ZNF532: variants seen among roughly 807,000 people sequenced by gnomAD.
ZNF532 encodes zinc finger protein 532.
Under a neutral mutation model 89.3 loss-of-function variants are expected in ZNF532, and 22 were observed. The observed-to-expected ratio is 0.25, with a 90% CI of 0.18 to 0.35. ZNF532 has a LOEUF of 0.35. Among genes scored for constraint, ZNF532 ranks in the 10% least tolerant of loss-of-function variants. The pLI, the probability that ZNF532 is intolerant of heterozygous loss-of-function variation, is 1.00. For missense variants in ZNF532, 1,132 were observed against 1,643.4 expected (o/e 0.69, Z 5.38); for synonymous variants, 606 against 649.6 (o/e 0.93, Z 1.02).
upstream of ZNF532, chr18:58,864,213 C>CG (rs549187976): frequency 5.8e-3 from 891 of 152,762 alleles, 9 homozygotes; most frequent in African/African-American, 0.02. Flanking sequence ...ACTTCTCCCC[C>CG]CAGGTGCTTG....
rs76818693 is a variant in ZNF532 at position 58,937,891 on chromosome 18, C to T, written c.2529-1554C>T. Among the ~76,000 whole-genome samples the T allele has an allele frequency of 5.0e-3, 758 of 152,278 alleles. 7 individuals are homozygous for T. The highest frequency in any genetic ancestry group is 0.017 in the African/African-American group (688 of 41,546). ...TTAGGTGGCTCTATTGCCTGAAATA[C>T]CAGTTCAAGTAGATAGGCTAGAGAG... On this transcript the variant is annotated intron_variant, in intron 4 of 9. Coordinates refer to ENST00000591808, the MANE Select transcript of ZNF532 (RefSeq NM_001375912.1).
chr18:58,907,109 T>G (rs1382792859), intron 2 of ZNF532, among the ~76,000 whole-genome samples: 1 of 152,128 alleles, frequency 6.6e-6, no homozygotes, highest in Non-Finnish European at 1.5e-5. Flanking sequence ...GACAGCCTCA[T>G]GTTTTGCAGG....
rs1409722778 is a variant in ZNF532, at chr18:58,984,779, A to AAAAC, written c.*315_*318dup. On this transcript the variant is annotated 3_prime_UTR_variant, in exon 10 of 10. Coordinates refer to ENST00000591808, the MANE Select transcript of ZNF532 (RefSeq NM_001375912.1). ...ATTTTTCTTTTTGTACTGTTTCTTT[A>AAAAC]AAACAGAGTTCTTAGTAACAGGGGC... 1 of 197,200 alleles carries AAAAC rather than the reference A, an allele frequency of 5.1e-6. No individual in the cohort carries two copies. Among genetic ancestry groups the AAAAC allele is most frequent in the Non-Finnish European group, 1.0e-5 (1 of 95,394 alleles). The allele number at this position is 197,200 out of a possible 1,614,324, so 12.2% of individuals were successfully genotyped here. A position where few individuals can be genotyped will look rare whatever the true frequency, so the allele number is the denominator to read the frequency against.
At chr18:58,981,173 G>T (rs1249072209) in intron 8 of ZNF532, 2 of 336,046 alleles carry the variant, frequency 6.0e-6, no homozygotes, top group Non-Finnish European at 1.1e-5. Flanking sequence ...AAGGAGTCAA[G>T]GAGGGACCTT....
chr18:58,929,473 C>G (rs2061780038), intron 3 of ZNF532, among the ~76,000 whole-genome samples: 1 of 152,186 alleles, frequency 6.6e-6, no homozygotes, highest in Non-Finnish European at 1.5e-5. Context: ...CGCCGTCTCC[C>G]AAAATACCCT....
At position 58,985,041 on chromosome 18, in the gene ZNF532, T is replaced by C. The variant is rs1234353930; in HGVS notation, c.*575T>C. 6.5e-6 allele frequency: 1 copy of C among 153,234 alleles called. No individual in the cohort carries two copies. Among genetic ancestry groups the C allele is most frequent in the Non-Finnish European group, 1.5e-5 (1 of 68,790 alleles). The allele number at this position is 153,234 out of a possible 1,614,324, so 9.5% of individuals were successfully genotyped here. A position where few individuals can be genotyped will look rare whatever the true frequency, so the allele number is the denominator to read the frequency against. On this transcript the variant is annotated 3_prime_UTR_variant, in exon 10 of 10. Coordinates refer to ENST00000591808, the MANE Select transcript of ZNF532 (RefSeq NM_001375912.1). ...AGACAACTGCACTCCAGTGTGGACG[T>C]GCCTTTGTCTTCAGGCCATGCCGAA...
intron 9 of ZNF532, 23 bp from the exon 10 acceptor site, chr18:58,983,949 C>G: frequency 6.3e-7 from 1 of 1,589,858 alleles, no homozygotes; most frequent in Non-Finnish European, 8.6e-7. Flanking sequence ...TCAGTCGTGT[C>G]ATTTGCTTTC....
At position 58,915,743 on chromosome 18, in the gene ZNF532, G is replaced by A. The variant is rs1333226471; in HGVS notation, c.-17-2528G>A. On this transcript the variant is annotated intron_variant, in intron 2 of 9. Transcript: ENST00000591808. ...AAGAATGTCAGACAGTCGCACTGCC[G>A]ACCACTCAAGTTTGGTTTCATGGGG... is the stretch of plus-strand genomic sequence containing the variant. 3.9e-5 allele frequency among the ~76,000 whole-genome samples: 6 copies of A among 152,154 alleles called. No homozygotes were observed. The East Asian group carries it at 9.6e-4, about 24-fold the overall frequency.
rs2056373252 is a variant in ZNF532, at chr18:58,865,494, AC to A, written c.-100del. 1 of 152,802 alleles carries A rather than the reference AC, an allele frequency of 6.5e-6. No individual in the cohort carries two copies. Among genetic ancestry groups the A allele is most frequent in the African/African-American group, 2.4e-5 (1 of 41,336 alleles). The allele number at this position is 152,802 out of a possible 1,614,324, so 9.5% of individuals were successfully genotyped here. On this transcript the variant is annotated 5_prime_UTR_variant, in exon 2 of 10. Coordinates refer to ENST00000591808, the MANE Select transcript of ZNF532 (RefSeq NM_001375912.1). ...GGCCTGTTGACTGGGGCTGCTTTTA[AC>A]CCTTTCCTATTTGCTGAGAATGCAG...
In ZNF532 at chr18:58,890,086, GAAA is replaced by G. The variant is rs547079067; in HGVS notation, c.-18+24516_-18+24518del. 3.7e-4 allele frequency among the ~76,000 whole-genome samples: 51 copies of G among 136,662 alleles called. No individual in the cohort carries two copies. In the East Asian group the frequency reaches 1.0e-2, roughly 27 times the overall value. 89.7% of individuals were successfully genotyped at this position (136,662 alleles called of 152,430 possible). A position where few individuals can be genotyped will look rare whatever the true frequency, so the allele number is the denominator to read the frequency against. Reference sequence around the variant, plus strand: ...AGATGGTGAGACTGTGTTTAAAAAAGAAAAAAAAAAATTAGCTGGGCATGGTGG... The same window carrying G: ...AGATGGTGAGACTGTGTTTAAAAAAGAAAAAAAATTAGCTGGGCATGGTGG... On this transcript the variant is annotated intron_variant, in intron 2 of 9. Coordinates refer to ENST00000591808, the MANE Select transcript of ZNF532 (RefSeq NM_001375912.1).
rs574506343 is a variant in ZNF532 at position 58,963,619 on chromosome 18, GTGTGTGTGTGTGTGTGTGTGTGTGTGTA to G, written c.3150+9824_3150+9851del. 7.1e-3 allele frequency among the ~76,000 whole-genome samples: 1,049 copies of G among 148,202 alleles called. 8 individuals are homozygous for G. Among genetic ancestry groups the G allele is most frequent in the African/African-American group, 0.025 (984 of 39,648 alleles). On this transcript the variant is annotated intron_variant, in intron 7 of 9. Transcript: ENST00000591808. ...AAGAAAAAAATGTGTGTGTGTGTGTGTGTGTGTGTGTGTGTGTGTGTGTGTGTATGTATATAAATTTTTAAAGTGCCCA... is the reference window on the plus strand; with the variant it reads ...AAGAAAAAAATGTGTGTGTGTGTGTGTGTATATAAATTTTTAAAGTGCCCA...
At chr18:58,881,251 C>T (rs1172434771) in intron 2 of ZNF532, among the ~76,000 whole-genome samples, 3 of 151,984 alleles carry the variant, frequency 2.0e-5, no homozygotes, top group East Asian at 1.9e-4. Context: ...CCTGCCTCAG[C>T]CTTCCAAGTA....
intron 5 of ZNF532, among the ~76,000 whole-genome samples, chr18:58,945,733 T>A (rs1002822533): frequency 7.4e-5 from 11 of 148,496 alleles, no homozygotes; most frequent in Admixed American, 6.7e-5. Flanking sequence ...ATTTATTTAT[T>A]TTTTTTTTTT....
intron 2 of ZNF532, among the ~76,000 whole-genome samples, chr18:58,888,839 A>ATT (rs1448912115): frequency 2.1e-5 from 1 of 46,744 alleles, no homozygotes; most frequent in East Asian, 9.1e-4. Flanking sequence ...TATATATATA[A>ATT]TTTATATATA....
chr18:58,953,917 A>C, intron 7 of ZNF532, 118 bp downstream of exon 7: 1 of 1,459,970 alleles, frequency 6.8e-7, no homozygotes, highest in Non-Finnish European at 9.0e-7. Flanking sequence ...TGACCTTAAA[A>C]ATCACTTGGT....
At chr18:58,982,933 G>A (rs1282153702) in intron 9 of ZNF532, among the ~76,000 whole-genome samples, 3 of 152,154 alleles carry the variant, frequency 2.0e-5, no homozygotes, top group Non-Finnish European at 4.4e-5. Context: ...CCAATATGGT[G>A]AAACCCTGTC....
chr18:58,900,701 GTTT>G (rs1246141585), intron 2 of ZNF532, among the ~76,000 whole-genome samples: 5 of 152,132 alleles, frequency 3.3e-5, no homozygotes, highest in Non-Finnish European at 5.9e-5. Flanking sequence ...ACAGCATATT[GTTT>G]TTGGCAACCG....
intron 2 of ZNF532, among the ~76,000 whole-genome samples, chr18:58,916,132 A>G (rs1209393587): frequency 2.0e-5 from 3 of 152,220 alleles, no homozygotes; most frequent in South Asian, 2.1e-4. Context: ...TTAGATCAAC[A>G]TGGTTGGTAA....
chr18:58,978,182 GTCTCTC>G (rs764534747), intron 7 of ZNF532, among the ~76,000 whole-genome samples: 4 of 151,618 alleles, frequency 2.6e-5, no homozygotes, highest in Non-Finnish European at 5.9e-5. Context: ...AGTGTTTGCT[GTCTCTC>G]TCTCTCTCAT....
Sources: allele counts gnomAD v4.1 joint callset (sites outside exome capture counted in the v4.1 genomes callset), GRCh38; gene constraint gnomAD v4.1.1; transcripts MANE v1.5; gene names NCBI Gene and HGNC (gene_info 2026-07-23, HGNC 2026-07-21).